The following RFX4 variants were observed in gnomAD, a reference collection of about 807,000 sequenced individuals.
RFX4 encodes transcription factor RFX4.
In RFX4, 10 loss-of-function variants were observed where a neutral mutation model predicts 95.0. That is an observed-to-expected ratio of 0.11 (90% CI 0.06 to 0.18). RFX4 has a LOEUF of 0.18. Ranked by LOEUF, RFX4 falls within the 10% of genes least tolerant of loss-of-function variation. The pLI is 1.00. For synonymous variants in RFX4, 321 were observed against 340.7 expected, an observed-to-expected ratio of 0.94 and a Z score of 0.64; for missense variants, 640 against 922.0, an observed-to-expected ratio of 0.69 and a Z score of 3.96.
At chr12:106,592,205 TG>T (rs1259403048) in intron 1 of RFX4, among the ~76,000 whole-genome samples, 1 of 90,196 alleles carries the variant, frequency 1.1e-5, no homozygotes, top group African/African-American at 3.5e-5. Context: ...ATAAGAATAC[TG>T]AAAAAAAAAA....
chr12:106,648,540 G>C (rs2040794614), intron 3 of RFX4, among the ~76,000 whole-genome samples: 1 of 149,278 alleles, frequency 6.7e-6, no homozygotes, highest in South Asian at 2.1e-4. Context: ...GACAACTTCA[G>C]TGATAAGTTA....
chr12:106,718,853 G>A (rs764743640), intron 11 of RFX4, among the ~76,000 whole-genome samples: 1 of 152,036 alleles, frequency 6.6e-6, no homozygotes, highest in South Asian at 2.1e-4. Flanking sequence ...GTGCACGCCT[G>A]TAATCCCAGC....
chr12:106,697,982 T>A (rs558049391), intron 8 of RFX4, among the ~76,000 whole-genome samples: 120 of 151,836 alleles, frequency 7.9e-4, no homozygotes, highest in East Asian at 5.8e-3. Context: ...TATTATTATT[T>A]TTTTTTTGAG....
At chr12:106,601,159 C>T (rs897623804) in intron 1 of RFX4, 4 of 1,478,634 alleles carry the variant, frequency 2.7e-6, no homozygotes, top group South Asian at 1.4e-5. Context: ...ACCCACTGAC[C>T]TGAGCCACCC....
At chr12:106,695,465 C>T (rs372980237) in intron 7 of RFX4, among the ~76,000 whole-genome samples, 13 of 152,256 alleles carry the variant, frequency 8.5e-5, no homozygotes, top group South Asian at 4.1e-4. Context: ...GTAGGGGAGG[C>T]GGCAAGGGGT....
intron 7 of RFX4, among the ~76,000 whole-genome samples, chr12:106,694,780 A>G (rs1461229616): frequency 6.6e-6 from 1 of 152,120 alleles, no homozygotes; most frequent in Non-Finnish European, 1.5e-5. Flanking sequence ...GCTCACTGTA[A>G]TCCCAGGACT....
chr12:106,713,162 C>G (rs1194544496), intron 10 of RFX4, among the ~76,000 whole-genome samples: 1 of 152,178 alleles, frequency 6.6e-6, no homozygotes, highest in Non-Finnish European at 1.5e-5. Context: ...CAGCTAGTAT[C>G]CCAGTGAGCT....
intron 1 of RFX4, among the ~76,000 whole-genome samples, chr12:106,584,576 C>T (rs1254985837): frequency 6.6e-6 from 1 of 152,148 alleles, no homozygotes; most frequent in Admixed American, 6.5e-5. Context: ...AAATGCCGCA[C>T]GAATGTCTCC....
At chr12:106,726,834 C>T (rs1168825308) in intron 13 of RFX4, among the ~76,000 whole-genome samples, 1 of 152,102 alleles carries the variant, frequency 6.6e-6, no homozygotes, top group Non-Finnish European at 1.5e-5. Context: ...TGCAGTGGTG[C>T]AATGTCGGCT....
chr12:106,730,138 C>T (rs1430297214), intron 13 of RFX4, among the ~76,000 whole-genome samples: 4 of 152,042 alleles, frequency 2.6e-5, no homozygotes, highest in Non-Finnish European at 4.4e-5. Flanking sequence ...ATCTAGTGGC[C>T]TTACAGTTAA....
intron 4 of RFX4, among the ~76,000 whole-genome samples, chr12:106,667,688 C>A (rs1020520519): frequency 6.6e-6 from 1 of 152,186 alleles, no homozygotes; most frequent in Non-Finnish European, 1.5e-5. Context: ...TGTATTTACC[C>A]GTCTCTCCAA....
intron 4 of RFX4, among the ~76,000 whole-genome samples, chr12:106,663,451 CT>C (rs1321032856): frequency 6.6e-6 from 1 of 151,192 alleles, no homozygotes; most frequent in East Asian, 1.9e-4. Context: ...ATTTTTTTTT[CT>C]TTTGTAGAAT....
chr12:106,728,654 GTCTC>G (rs963991937), intron 13 of RFX4, among the ~76,000 whole-genome samples: 1 of 152,136 alleles, frequency 6.6e-6, no homozygotes, highest in South Asian at 2.1e-4. Flanking sequence ...TGTCTTTGGT[GTCTC>G]TCTGTCTCTC....
chr12:106,625,696 G>A (rs1376063759), intron 2 of RFX4, among the ~76,000 whole-genome samples: 1 of 152,142 alleles, frequency 6.6e-6, no homozygotes, highest in Non-Finnish European at 1.5e-5. Flanking sequence ...CCTACTACAT[G>A]CTAGACTCCA....
At chr12:106,734,523 G>A (rs533728578) in intron 15 of RFX4, among the ~76,000 whole-genome samples, 25 of 151,874 alleles carry the variant, frequency 1.6e-4, no homozygotes, top group African/African-American at 6.0e-4. Flanking sequence ...TTGAACCCAG[G>A]AGGTGGAGGT....
intron 2 of RFX4, among the ~76,000 whole-genome samples, chr12:106,624,740 A>T (rs1396863011): frequency 6.6e-6 from 1 of 152,208 alleles, no homozygotes; most frequent in Non-Finnish European, 1.5e-5. Flanking sequence ...ATCTGGCTCT[A>T]TGCAGAAAAA....
At chr12:106,670,053 T>C (rs1243903734) in intron 4 of RFX4, among the ~76,000 whole-genome samples, 1 of 152,218 alleles carries the variant, frequency 6.6e-6, no homozygotes, top group African/African-American at 2.4e-5. Flanking sequence ...ACTGTTGCGA[T>C]AATGACTGTA....
intron 3 of RFX4, 59 bp downstream of exon 3, chr12:106,639,451 T>A (rs1404267630): frequency 1.3e-5 from 19 of 1,412,814 alleles, no homozygotes; most frequent in Non-Finnish European, 1.6e-5. Flanking sequence ...TTCTTGTCTA[T>A]AGGATAGGAT....
Position 106,742,954 on chromosome 12 carries a change from C to T in RFX4, c.1634-4483C>T, listed in dbSNP as rs1368479992. Reference sequence around the variant, plus strand: ...TCATTACTGATTGTCTATTATATTCCGAGCACCCTTCCTGTCCTGTGCTTA... The same window carrying T: ...TCATTACTGATTGTCTATTATATTCTGAGCACCCTTCCTGTCCTGTGCTTA... On this transcript the variant is annotated intron_variant, in intron 15 of 17. Coordinates refer to ENST00000392842, the MANE Select transcript of RFX4 (RefSeq NM_213594.3). Among the ~76,000 whole-genome samples the T allele has an allele frequency of 3.9e-5, 6 of 152,100 alleles. No individual in the cohort carries two copies. In the South Asian group the frequency reaches 8.3e-4, roughly 21 times the overall value.
Sources: allele counts gnomAD v4.1 joint callset (sites outside exome capture counted in the v4.1 genomes callset), GRCh38; gene constraint gnomAD v4.1.1; transcripts MANE v1.5; gene names NCBI Gene and HGNC (gene_info 2026-07-23, HGNC 2026-07-21).